The following PLCH2 variants were observed in gnomAD, a reference collection of about 807,000 sequenced individuals.
The protein encoded by PLCH2 is phospholipase C eta 2.
PLCH2 carries 98 observed loss-of-function variants against 134.7 expected under a neutral mutation model. That is an observed-to-expected ratio of 0.73 (90% CI 0.62 to 0.86). The LOEUF is 0.86. Among genes scored for constraint, PLCH2 ranks in the 40% least tolerant of loss-of-function variants. The probability of loss-of-function intolerance (pLI) is 0.00; values close to 1 mark genes in which losing one functional copy is unlikely to be tolerated. For synonymous variants in PLCH2, 974 were observed against 827.5 expected (o/e 1.18, Z -3.04); for missense variants, 1,994 against 1,986.6 (o/e 1.00, Z -0.07).
At chr1:2,419,498 CTTG>C in the PLCH2 span, among the ~76,000 whole-genome samples, 12 of 152,242 alleles carry the variant, frequency 7.9e-5, no homozygotes, top group East Asian at 1.9e-4. Flanking sequence ...GGGTTTTCCA[CTTG>C]TTGTTGACAG....
intron 2 of PLCH2, among the ~76,000 whole-genome samples, chr1:2,441,116 C>T (rs1366110793): frequency 6.6e-6 from 1 of 152,162 alleles, no homozygotes; most frequent in African/African-American, 2.4e-5. Flanking sequence ...GCACCTGGCT[C>T]CAGGTGGTCT....
At chr1:2,484,320 G>A (rs1642176586) in intron 4 of PLCH2, 128 bp from the exon 5 acceptor site, 4 of 862,256 alleles carry the variant, frequency 4.6e-6, no homozygotes, top group Non-Finnish European at 7.2e-6. Flanking sequence ...CCGTGACAAG[G>A]GCAGTGGAGT....
upstream of PLCH2, among the ~76,000 whole-genome samples, chr1:2,421,006 G>A (rs1638489223): frequency 1.3e-5 from 2 of 150,618 alleles, no homozygotes; most frequent in Admixed American, 6.6e-5. Context: ...GTGCAGTGGT[G>A]CGATCTCGGC....
intron 1 of PLCH2, among the ~76,000 whole-genome samples, chr1:2,429,254 A>G (rs899419032): frequency 1.3e-5 from 2 of 151,990 alleles, no homozygotes; most frequent in African/African-American, 4.8e-5. Flanking sequence ...TGTTCTTCCC[A>G]CCTGGCAGAG....
Position 2,497,149 on chromosome 1 carries a change from C to G in PLCH2, c.2116+139C>G, listed in dbSNP as rs1642940191. 3.6e-6 allele frequency: 3 copies of G among 830,662 alleles called. No homozygotes were observed. In the East Asian group the frequency reaches 8.0e-5, roughly 22 times the overall value. 51.5% of individuals were successfully genotyped at this position (830,662 alleles called of 1,614,324 possible). On this transcript the variant is annotated intron_variant, in intron 15 of 21. Coordinates refer to ENST00000378486, the MANE Select transcript of PLCH2 (RefSeq NM_014638.4). The stretch of plus-strand genomic sequence containing the variant: ...TATTGCCCTTGGAGCCTCCACACCT[C>G]TGTGGCATGCTGCCGACACCAGGCT...
At chr1:2,482,708 C>G (rs568246190) in intron 4 of PLCH2, among the ~76,000 whole-genome samples, 12 of 152,192 alleles carry the variant, frequency 7.9e-5, no homozygotes, top group Admixed American at 7.8e-4. Context: ...AGAGGGGATC[C>G]CAGGGGAGCT....
intron 15 of PLCH2, 133 bp downstream of exon 15, chr1:2,497,143 A>G: frequency 1.1e-6 from 1 of 882,816 alleles, no homozygotes; most frequent in Non-Finnish European, 1.7e-6. Context: ...TGGAGCCTCC[A>G]CACCTCTGTG....
At chr1:2,443,663 G>C (rs1388832329) in intron 2 of PLCH2, among the ~76,000 whole-genome samples, 1 of 149,494 alleles carries the variant, frequency 6.7e-6, no homozygotes, top group Admixed American at 6.6e-5. Context: ...CCAGCCCGGT[G>C]CCCGCCGCGG....
rs901846041 is a variant in PLCH2, at chr1:2,439,370, A to G, written c.115+8741A>G. On this transcript the variant is annotated intron_variant, in intron 2 of 3. Coordinates refer to the PLCH2 transcript ENST00000609981. This position sits in a 1 kb window ranked among gnomAD's most constrained non-coding sequence, Gnocchi z 4.7. Reference sequence around the variant, plus strand: ...CAGTGCTGGCCAGACCTGGTCCCCGACCCCAGGGCTGCCCCCGGGTTCTGG... The same window carrying G: ...CAGTGCTGGCCAGACCTGGTCCCCGGCCCCAGGGCTGCCCCCGGGTTCTGG... Among the ~76,000 whole-genome samples the G allele has an allele frequency of 1.3e-4, 18 of 142,974 alleles. No individual in the cohort carries two copies. Among genetic ancestry groups the G allele is most frequent in the African/African-American group, 4.3e-4 (17 of 39,534 alleles). The allele number at this position is 142,974 out of a possible 152,430, so 93.8% of individuals were successfully genotyped here. A position where few individuals can be genotyped will look rare whatever the true frequency, so the allele number is the denominator to read the frequency against.
At chr1:2,483,880 T>G (rs184544577) in intron 4 of PLCH2, among the ~76,000 whole-genome samples, 1,609 of 10,568 alleles carry the variant, frequency 0.15, 464 homozygotes, top group East Asian at 0.54. Context: ...CCCGTGTGGG[T>G]GGCGCTGACT....
At chr1:2,432,906 G>A (rs1639137603) in intron 2 of PLCH2, among the ~76,000 whole-genome samples, 2 of 152,218 alleles carry the variant, frequency 1.3e-5, no homozygotes. Context: ...GTCTGTGGCA[G>A]TGCTCCCTTC....
At position 2,476,541 on chromosome 1, in the gene PLCH2, G is replaced by A. The variant is rs180969335; in HGVS notation, c.-48G>A. 1.8e-3 allele frequency: 2,670 copies of A among 1,443,440 alleles called. 10 individuals are homozygous for A. Among genetic ancestry groups the A allele is most frequent in the Non-Finnish European group, 1.7e-3 (1,922 of 1,102,254 alleles). The allele number at this position is 1,443,440 out of a possible 1,614,324, so 89.4% of individuals were successfully genotyped here. ...GCCTGACCTCCGCTGCCCGAAGGCC[G>A]GTGGGCCTCTGTGGCCTCCGTGAAG... On this transcript the variant is annotated 5_prime_UTR_variant, in exon 1 of 22. Coordinates refer to ENST00000378486, the MANE Select transcript of PLCH2 (RefSeq NM_014638.4).
In PLCH2 at chr1:2,504,965, G is replaced by C. The variant is rs113392853; in HGVS notation, c.4003G>C (p.Val1335Leu). 19,378 of 1,555,392 alleles carry C rather than the reference G, an allele frequency of 0.012. 550 individuals carry two copies. Among genetic ancestry groups the C allele is most frequent in the African/African-American group, 0.11 (7,852 of 73,582 alleles). ...GGGGGTGGCAGGGGGCCCTGGTTTT[G>C]TGCGGCGCTCCTCCTCCCGCAGCCA... Reference protein sequence around the residue: ...GEGVAGGPGFVRRSSSRSHSR... With the variant: ...GEGVAGGPGFLRRSSSRSHSR... The change falls in exon 22 of 22, where the codon GTG becomes CTG. Residue 1335 changes from valine (V) to leucine (L), a missense_variant. Coordinates refer to ENST00000378486, the MANE Select transcript of PLCH2 (RefSeq NM_014638.4).
intron 2 of PLCH2, among the ~76,000 whole-genome samples, chr1:2,451,404 G>A (rs1640219409): frequency 1.3e-5 from 2 of 152,334 alleles, no homozygotes; most frequent in East Asian, 1.9e-4. Context: ...ATGGAGGTGC[G>A]TTTCTGGGCT....
Position 2,487,245 on chromosome 1 carries a change from T to C in PLCH2, c.983T>C (p.Met328Thr), listed in dbSNP as rs1286955785. 1.2e-6 allele frequency: 2 copies of C among 1,610,394 alleles called. No homozygotes were observed. Among genetic ancestry groups the C allele is most frequent in the African/African-American group, 2.7e-5 (2 of 74,872 alleles). Residue 328 changes from methionine to threonine, a missense_variant, in exon 7 of 22, where the codon ATG (methionine) becomes ACG (threonine). Physicochemically the swap from Met to Thr is moderately conservative, Grantham distance 81 (BLOSUM62 -1). This residue lies in a region of PLCH2 where 1,094 missense variants were observed against 1,234.3 expected (regional missense o/e 0.89). Transcript: ENST00000378486. ...NPEHHHVHQD[M>T]TQPLSHYFIT... is the part of the protein sequence containing the mutation. ...GAGCACCACCATGTGCACCAGGACATGACGCAGCCGCTGAGCCACTACTTC... is the reference window on the plus strand; with the variant it reads ...GAGCACCACCATGTGCACCAGGACACGACGCAGCCGCTGAGCCACTACTTC...
chr1:2,464,778 C>T (rs1640978611), upstream of PLCH2, among the ~76,000 whole-genome samples: 2 of 152,224 alleles, frequency 1.3e-5, no homozygotes, highest in African/African-American at 4.8e-5. Flanking sequence ...AAGAAAGCCC[C>T]TCCAGCTGAA....
At chr1:2,422,311 G>T (rs564860267), upstream of PLCH2, among the ~76,000 whole-genome samples, 1 of 152,266 alleles carries the variant, frequency 6.6e-6, no homozygotes, top group East Asian at 1.9e-4. Context: ...CTAATGACAT[G>T]TTAATAGAAA....
At chr1:2,499,362 A>G in intron 19 of PLCH2, 132 bp downstream of exon 19, 1 of 1,156,154 alleles carries the variant, frequency 8.6e-7, no homozygotes, top group South Asian at 1.5e-5. Flanking sequence ...GGAGCTGAGG[A>G]CGGGAGGAGA....
rs1262933470 is a variant in PLCH2 at position 2,503,972 on chromosome 1, G to A, written c.3010G>A (p.Glu1004Lys). 7 of 1,513,430 alleles carry A rather than the reference G, an allele frequency of 4.6e-6. No individual in the cohort carries two copies. The Admixed American group carries it at 1.4e-4, about 30-fold the overall frequency. The allele number at this position is 1,513,430 out of a possible 1,614,324, so 93.8% of individuals were successfully genotyped here. Residue 1004 changes from glutamate to lysine, a missense_variant, in exon 22 of 22, where the codon GAA (glutamate) becomes AAA (lysine). Glu to Lys is a moderately conservative substitution (Grantham distance 56). Transcript: ENST00000378486. ...QRPLPPLCSL[E>K]TIAEEPAPGP... ...GCCACTCCCCCCACTGTGCAGCCTGGAAACCATCGCTGAGGAGCCCGCCCC... is the reference window on the plus strand; with the variant it reads ...GCCACTCCCCCCACTGTGCAGCCTGAAAACCATCGCTGAGGAGCCCGCCCC...
Sources: gnomAD v4.1 joint callset for allele counts (sites outside exome capture counted in the v4.1 genomes callset) on GRCh38, gnomAD v4.1.1 for gene constraint, gnomAD v4.1.1 regional missense constraint, Gnocchi (gnomAD v3.1) non-coding constraint, MANE v1.5 for transcripts, NCBI Gene and HGNC (gene_info 2026-07-23, HGNC 2026-07-21) for gene names.